The following RAD54B variants were observed in gnomAD, a reference collection of about 807,000 sequenced individuals.
RAD54B encodes DNA repair and recombination protein RAD54B.
RAD54B carries 78 observed loss-of-function variants against 95.8 expected under a neutral mutation model. The ratio of observed to expected loss-of-function variants is 0.81; its 90% CI spans 0.68 to 0.98. The LOEUF is 0.98. Ranked by LOEUF, RAD54B falls within the 50% of genes least tolerant of loss-of-function variation. The pLI is 0.00. For missense variants in RAD54B, 957 were observed against 1,056.6 expected, an observed-to-expected ratio of 0.91 and a Z score of 1.31; for synonymous variants, 328 against 354.9, an observed-to-expected ratio of 0.92 and a Z score of 0.85.
intron 3 of RAD54B, among the ~76,000 whole-genome samples, chr8:94,412,366 T>G (rs574850341): frequency 2.5e-5 from 1 of 40,706 alleles, no homozygotes; most frequent in East Asian, 3.3e-4. Flanking sequence ...AACATGCCAA[T>G]TTCATTTTTT....
At chr8:94,473,050 A>ACACTT (rs112605034) in intron 1 of RAD54B, among the ~76,000 whole-genome samples, 1 of 151,650 alleles carries the variant, frequency 6.6e-6, no homozygotes, top group African/African-American at 2.4e-5. Context: ...ATTTGTTGAT[A>ACACTT]CAAAGTAAAA....
chr8:94,432,526 T>G, intron 3 of RAD54B: 5 of 1,550,670 alleles, frequency 3.2e-6, no homozygotes, highest in Non-Finnish European at 4.4e-6. Flanking sequence ...TGTTGAGAAT[T>G]TAAAACCAGT....
chr8:94,466,675 G>C (rs538558776), intron 2 of RAD54B, among the ~76,000 whole-genome samples: 2 of 152,138 alleles, frequency 1.3e-5, no homozygotes, highest in Non-Finnish European at 2.9e-5. Context: ...CCAACGTGCT[G>C]GGATTACAGG....
chr8:94,374,151 C>T (rs904623077), intron 14 of RAD54B, among the ~76,000 whole-genome samples: 4 of 151,992 alleles, frequency 2.6e-5, no homozygotes, highest in Admixed American at 6.6e-5. Context: ...TGGTGGCAGG[C>T]GCCTGTAGTC....
At chr8:94,454,762 C>G (rs1812742211) in intron 3 of RAD54B, among the ~76,000 whole-genome samples, 1 of 152,164 alleles carries the variant, frequency 6.6e-6, no homozygotes, top group African/African-American at 2.4e-5. Context: ...TATAAGGCAG[C>G]TATCCAAAAG....
chr8:94,418,665 A>G (rs553504623), intron 3 of RAD54B, among the ~76,000 whole-genome samples: 73 of 152,272 alleles, frequency 4.8e-4, no homozygotes, highest in African/African-American at 1.7e-3. Flanking sequence ...CCTGTTTTCC[A>G]TGAATATTGT....
At chr8:94,435,919 C>T (rs1400885746) in intron 3 of RAD54B, among the ~76,000 whole-genome samples, 1 of 152,038 alleles carries the variant, frequency 6.6e-6, no homozygotes, top group African/African-American at 2.4e-5. Context: ...TAGTTGTGTT[C>T]ATCTTTATTT....
At chr8:94,426,787 G>A (rs1811953258) in intron 3 of RAD54B, among the ~76,000 whole-genome samples, 1 of 152,110 alleles carries the variant, frequency 6.6e-6, no homozygotes, top group South Asian at 2.1e-4. Context: ...CACAGTTGTA[G>A]ATCAAAACTC....
intron 3 of RAD54B, among the ~76,000 whole-genome samples, chr8:94,436,115 A>T (rs2130120082): frequency 6.6e-6 from 1 of 152,264 alleles, no homozygotes; most frequent in South Asian, 2.1e-4. Flanking sequence ...AATTTTATAT[A>T]AAATTGAAAA....
intron 2 of RAD54B, among the ~76,000 whole-genome samples, chr8:94,458,798 C>T (rs182846078): frequency 6.6e-6 from 1 of 151,698 alleles, no homozygotes; most frequent in Non-Finnish European, 1.5e-5. Context: ...ACTCAGGAGG[C>T]GGAGGTTGCA....
intron 3 of RAD54B, among the ~76,000 whole-genome samples, chr8:94,442,780 C>T (rs1474856030): frequency 6.6e-6 from 1 of 152,148 alleles, no homozygotes; most frequent in Non-Finnish European, 1.5e-5. Flanking sequence ...GGACCCCAAA[C>T]TCATTATACC....
chr8:94,468,467 G>C (rs1366434106), intron 1 of RAD54B, among the ~76,000 whole-genome samples: 1 of 151,594 alleles, frequency 6.6e-6, no homozygotes, highest in Non-Finnish European at 1.5e-5. Context: ...CCTGTACTTT[G>C]AAAGGATGAG....
chr8:94,390,539 C>T (rs2450565), intron 10 of RAD54B, among the ~76,000 whole-genome samples: 129,981 of 148,000 alleles, frequency 0.88, 57,953 homozygotes, highest in Non-Finnish European at 0.96. Flanking sequence ...AACAGCATCA[C>T]TAAGTTTCTC....
At chr8:94,448,035 AT>A (rs952810594) in intron 3 of RAD54B, among the ~76,000 whole-genome samples, 1 of 152,008 alleles carries the variant, frequency 6.6e-6, no homozygotes, top group Non-Finnish European at 1.5e-5. Flanking sequence ...CTTTTTGGTT[AT>A]TTTTTTCTTT....
intron 10 of RAD54B, among the ~76,000 whole-genome samples, chr8:94,388,457 C>T (rs978681861): frequency 1.3e-5 from 2 of 152,114 alleles, no homozygotes; most frequent in Admixed American, 6.5e-5. Context: ...GTAGGCTATT[C>T]GTAGTTCAGT....
intron 8 of RAD54B, 50 bp from the exon 9 acceptor site, chr8:94,393,932 A>G (rs1300598799): frequency 6.7e-7 from 1 of 1,487,634 alleles, no homozygotes; most frequent in Admixed American, 2.2e-5. Flanking sequence ...TTTTACAATC[A>G]CAATCTCAGG....
chr8:94,464,751 A>T (rs1812984213), intron 2 of RAD54B, among the ~76,000 whole-genome samples: 1 of 152,186 alleles, frequency 6.6e-6, no homozygotes, highest in Non-Finnish European at 1.5e-5. Flanking sequence ...GGTAATTTAT[A>T]AAGAAAAGAG....
At chr8:94,398,638 A>T (rs1406475411) in intron 8 of RAD54B, among the ~76,000 whole-genome samples, 1 of 152,092 alleles carries the variant, frequency 6.6e-6, no homozygotes, top group Admixed American at 6.6e-5. Context: ...CAAGTAGAAA[A>T]TAGGGGAATT....
Position 94,458,368 on chromosome 8 carries a change from A to G in RAD54B, c.204T>C (p.Pro68=), listed in dbSNP as rs1305200109. ...TGATTTCTCTAGTACTTTCTTCACT[A>G]GGCAGATTTAAACTGCATATTCTAA... ...NDLRICSLNL[P]SEESTREINN... is the part of the protein sequence containing the mutation. The change falls in exon 3 of 15, where the codon CCT becomes CCC. Residue 68 remains proline (P), a synonymous_variant. Coordinates refer to ENST00000336148, the MANE Select transcript of RAD54B (RefSeq NM_012415.3). 1 of 1,608,666 alleles carries G rather than the reference A, an allele frequency of 6.2e-7. No homozygotes were observed. Among genetic ancestry groups the G allele is most frequent in the Non-Finnish European group, 8.5e-7 (1 of 1,177,774 alleles).
Sources: gnomAD v4.1 joint callset for allele counts (sites outside exome capture counted in the v4.1 genomes callset) on GRCh38, gnomAD v4.1.1 for gene constraint, MANE v1.5 for transcripts, NCBI Gene and HGNC (gene_info 2026-07-23, HGNC 2026-07-21) for gene names.